SH3BP4: variants seen among roughly 807,000 people sequenced by gnomAD.
SH3BP4 encodes the protein SH3 domain binding protein 4, also known as SH3 domain-binding protein 4.
Under a neutral mutation model 65.5 loss-of-function variants are expected in SH3BP4, and 33 were observed. That is an observed-to-expected ratio of 0.50 (90% CI 0.38 to 0.67). The LOEUF is 0.67. Ranked by LOEUF, SH3BP4 falls within the 30% of genes least tolerant of loss-of-function variation. The pLI, the probability that SH3BP4 is intolerant of heterozygous loss-of-function variation, is 0.00. For synonymous variants in SH3BP4, 552 were observed against 545.5 expected, an observed-to-expected ratio of 1.01 and a Z score of -0.17; for missense variants, 1,134 against 1,261.4, an observed-to-expected ratio of 0.90 and a Z score of 1.53.
At chr2:235,044,641 G>C (rs77140237) in intron 4 of SH3BP4, among the ~76,000 whole-genome samples, 2 of 152,248 alleles carry the variant, frequency 1.3e-5, no homozygotes, top group Non-Finnish European at 2.9e-5. Context: ...CTTGGTGCCC[G>C]GCCTTTCTGC....
chr2:234,970,616 G>C (rs1364668016), intron 1 of SH3BP4, among the ~76,000 whole-genome samples: 1 of 152,214 alleles, frequency 6.6e-6, no homozygotes, highest in Non-Finnish European at 1.5e-5. Flanking sequence ...CATAGAAAGT[G>C]AACAGTGAGT....
At chr2:235,044,987 C>T (rs748691641) in intron 4 of SH3BP4, among the ~76,000 whole-genome samples, 1 of 152,198 alleles carries the variant, frequency 6.6e-6, no homozygotes, top group Non-Finnish European at 1.5e-5. Flanking sequence ...ACAAACGCAG[C>T]AGGGAAGCCT....
chr2:235,015,243 C>T (rs1694653086), intron 2 of SH3BP4, among the ~76,000 whole-genome samples: 1 of 152,170 alleles, frequency 6.6e-6, no homozygotes, highest in Admixed American at 6.5e-5. Flanking sequence ...TGGGAAGCAG[C>T]AAGGCTGAGT....
At position 234,966,631 on chromosome 2, in the gene SH3BP4, T is replaced by C. The variant is rs116565670; in HGVS notation, c.-207+14461T>C. Among the ~76,000 whole-genome samples, 589 of 152,332 alleles carry C rather than the reference T, an allele frequency of 3.9e-3. 2 individuals are homozygous for C. The highest frequency in any genetic ancestry group is 0.013 in the African/African-American group (552 of 41,586). The stretch of plus-strand genomic sequence containing the variant: ...AGGTCTGGATATTAACCGAGGGGAA[T>C]TGGAGACACAAGGCACCGGCATGTT... On this transcript the variant is annotated intron_variant, in intron 1 of 5. Coordinates refer to ENST00000392011, the MANE Select transcript of SH3BP4 (RefSeq NM_014521.3).
chr2:235,029,954 A>C (rs1242562995), intron 2 of SH3BP4, among the ~76,000 whole-genome samples: 1 of 152,194 alleles, frequency 6.6e-6, no homozygotes, highest in Non-Finnish European at 1.5e-5. Flanking sequence ...TGAAGGAACA[A>C]TGCAGAGGTG....
intron 2 of SH3BP4, among the ~76,000 whole-genome samples, chr2:235,018,064 G>A (rs1333523316): frequency 6.6e-6 from 1 of 152,184 alleles, no homozygotes; most frequent in Non-Finnish European, 1.5e-5. Context: ...GGGCAGACGA[G>A]AGCTTACAGG....
At chr2:235,011,311 C>G (rs1413447732) in intron 2 of SH3BP4, among the ~76,000 whole-genome samples, 1 of 152,240 alleles carries the variant, frequency 6.6e-6, no homozygotes, top group South Asian at 2.1e-4. Context: ...CAAAAAATAT[C>G]TGCCTTCATT....
At chr2:234,995,100 TCCGCTGG>T (rs1326702730) in intron 1 of SH3BP4, 196 bp from the exon 2 acceptor site, 1 of 152,218 alleles carries the variant, frequency 6.6e-6, no homozygotes, top group Non-Finnish European at 1.5e-5. Context: ...TGAAGGTCCT[TCCGCTGG>T]CCACTCTCCA....
chr2:234,961,609 A>C (rs1186305368), intron 1 of SH3BP4, among the ~76,000 whole-genome samples: 4 of 152,078 alleles, frequency 2.6e-5, no homozygotes, highest in Non-Finnish European at 5.9e-5. Flanking sequence ...GTCAGCGTGC[A>C]GTTCATCATG....
rs1693214244 is a variant in SH3BP4, at chr2:234,977,792, T to TGCACACACACGG, written c.-206-17502_-206-17501insCGGGCACACACA. On this transcript the variant is annotated intron_variant, in intron 1 of 5. Transcript: ENST00000392011. This position sits in a 1 kb window ranked among gnomAD's most constrained non-coding sequence, Gnocchi z 5.1. ...GCTGGGAAAGACACGCACACGCATA[T>TGCACACACACGG]GCACACACATGGGCACACACACACA... Among the ~76,000 whole-genome samples, 1 of 152,106 alleles carries TGCACACACACGG rather than the reference T, an allele frequency of 6.6e-6. No homozygotes were observed. The highest frequency in any genetic ancestry group is 2.1e-4 in the South Asian group (1 of 4,828).
At chr2:235,007,225 A>G (rs1222966752) in intron 2 of SH3BP4, among the ~76,000 whole-genome samples, 1 of 152,034 alleles carries the variant, frequency 6.6e-6, no homozygotes. Flanking sequence ...CACAGAGGGG[A>G]GCTGGTCAGA....
In SH3BP4 at chr2:235,003,995, C is replaced by T. The variant is rs1359704465; in HGVS notation, c.-133+8619C>T. Among the ~76,000 whole-genome samples the T allele has an allele frequency of 5.3e-5, 8 of 152,314 alleles. No individual in the cohort carries two copies. The East Asian group carries it at 7.7e-4, about 15-fold the overall frequency. ...TGGGACTGCAGGCTTTGGGGCTCCC[C>T]GTTAGCACCCCAACTGCTCCCGGCT... On this transcript the variant is annotated intron_variant, in intron 2 of 5. Coordinates refer to ENST00000392011, the MANE Select transcript of SH3BP4 (RefSeq NM_014521.3).
chr2:234,993,265 C>A (rs922954934), intron 1 of SH3BP4, among the ~76,000 whole-genome samples: 8 of 152,292 alleles, frequency 5.3e-5, no homozygotes, highest in South Asian at 2.1e-4. Flanking sequence ...ACTGGACTCG[C>A]CCCCCGCCTC....
chr2:234,969,936 TAC>T (rs72458630), intron 1 of SH3BP4, among the ~76,000 whole-genome samples: 11,086 of 148,728 alleles, frequency 0.075, 943 homozygotes, highest in East Asian at 0.47. Context: ...CACATTTGCA[TAC>T]ACACACACTC....
At chr2:234,985,637 T>C (rs1693528019) in intron 1 of SH3BP4, among the ~76,000 whole-genome samples, 1 of 152,144 alleles carries the variant, frequency 6.6e-6, no homozygotes, top group Non-Finnish European at 1.5e-5. Flanking sequence ...TTTGACCCTC[T>C]GCGCACAGGT....
Position 235,043,068 on chromosome 2 carries a change from A to G in SH3BP4, c.2299A>G (p.Ser767Gly), listed in dbSNP as rs1277788995. 3.1e-6 allele frequency: 5 copies of G among 1,613,266 alleles called. No homozygotes were observed. The Admixed American group carries it at 8.3e-5, about 27-fold the overall frequency. ...GAGGACCCTGCTCATGGAGAACATCAGCAGCTGGCGCTCCTTCGCTGACGC... is the reference window on the plus strand; with the variant it reads ...GAGGACCCTGCTCATGGAGAACATCGGCAGCTGGCGCTCCTTCGCTGACGC... ...SVRTLLMENI[S>G]SWRSFADALG... is the part of the protein sequence containing the mutation. The change falls in exon 4 of 6, where the codon AGC (serine) becomes GGC (glycine). Residue 767 changes from serine (S) to glycine (G), a missense_variant. Transcript: ENST00000392011.
intron 1 of SH3BP4, among the ~76,000 whole-genome samples, chr2:234,988,920 G>A (rs960861775): frequency 6.6e-6 from 1 of 152,184 alleles, no homozygotes; most frequent in East Asian, 1.9e-4. Context: ...AAGCAGTTCT[G>A]TGTTCTGCAT....
At position 235,050,456 on chromosome 2, in the gene SH3BP4, C is replaced by A. The variant is rs542708269; in HGVS notation, c.2479-2106C>A. ...TAGTAGCTTCTACAAAAACAAACGG[C>A]CACCAGGTCCTCAAACCCCCTTCTG... On this transcript the variant is annotated intron_variant, in intron 4 of 5. Coordinates refer to ENST00000392011, the MANE Select transcript of SH3BP4 (RefSeq NM_014521.3). Among the ~76,000 whole-genome samples the A allele has an allele frequency of 2.0e-5, 3 of 152,256 alleles. No homozygotes were observed. In the South Asian group the frequency reaches 6.2e-4, roughly 32 times the overall value.
At chr2:235,016,392 A>G (rs1258002852) in intron 2 of SH3BP4, among the ~76,000 whole-genome samples, 1 of 152,216 alleles carries the variant, frequency 6.6e-6, no homozygotes, top group Admixed American at 6.5e-5. Flanking sequence ...TGTTGTACTT[A>G]GAAAGGGAAC....
Sources: allele counts gnomAD v4.1 joint callset (sites outside exome capture counted in the v4.1 genomes callset), GRCh38; gene constraint gnomAD v4.1.1; non-coding constraint Gnocchi (gnomAD v3.1); transcripts MANE v1.5; gene names NCBI Gene and HGNC (gene_info 2026-07-23, HGNC 2026-07-21).